The following LRP1B variants were observed in gnomAD, a reference collection of about 807,000 sequenced individuals.
LRP1B encodes LDL receptor related protein 1B.
In LRP1B, 217 loss-of-function variants were observed where a neutral mutation model predicts 556.6. The ratio of observed to expected loss-of-function variants is 0.39; its 90% confidence interval spans 0.35 to 0.44. The LOEUF (loss-of-function observed/expected upper bound fraction) is 0.44, where lower values mean the gene tolerates loss of function less well. LRP1B is among the 20% of genes least tolerant of loss of function. LRP1B has a pLI of 1.00. For missense variants in LRP1B, 5,053 were observed against 5,620.8 expected (o/e 0.90, Z 3.23); for synonymous variants, 2,047 against 1,865.8 (o/e 1.10, Z -2.50).
intron 47 of LRP1B, 69 bp downstream of exon 47, chr2:140,533,952 C>A: frequency 1.3e-6 from 2 of 1,566,188 alleles, no homozygotes; most frequent in Non-Finnish European, 1.7e-6. Context: ...CTCTCAGAAA[C>A]GAATGTTGGA....
intron 2 of LRP1B, among the ~76,000 whole-genome samples, chr2:141,513,637 G>T (rs2105157318): frequency 6.6e-6 from 1 of 152,162 alleles, no homozygotes; most frequent in Admixed American, 6.5e-5. Context: ...AATTAAAGAA[G>T]TAGACACCAT....
At chr2:141,169,684 G>A (rs1350463325) in intron 7 of LRP1B, among the ~76,000 whole-genome samples, 2 of 151,356 alleles carry the variant, frequency 1.3e-5, no homozygotes, top group African/African-American at 4.9e-5. Flanking sequence ...ATGGACAACT[G>A]GAAGCAACCA....
chr2:141,676,398 G>A (rs1170174684), intron 2 of LRP1B, among the ~76,000 whole-genome samples: 2 of 152,006 alleles, frequency 1.3e-5, no homozygotes, highest in Non-Finnish European at 2.9e-5. Flanking sequence ...CCAAACCCTT[G>A]TCCTCTTTTA....
intron 2 of LRP1B, among the ~76,000 whole-genome samples, chr2:141,531,587 A>G (rs1440807092): frequency 6.6e-6 from 1 of 152,162 alleles, no homozygotes; most frequent in African/African-American, 2.4e-5. Flanking sequence ...CATTTCTCAG[A>G]AAAGATTGCT....
intron 83 of LRP1B, among the ~76,000 whole-genome samples, chr2:140,299,007 G>A (rs916505191): frequency 6.6e-6 from 1 of 152,100 alleles, no homozygotes; most frequent in Non-Finnish European, 1.5e-5. Flanking sequence ...TCACTCAGTT[G>A]ACTAGCAGTA....
intron 84 of LRP1B, among the ~76,000 whole-genome samples, chr2:140,286,307 G>A (rs963523203): frequency 1.3e-5 from 2 of 151,718 alleles, no homozygotes; most frequent in African/African-American, 2.4e-5. Context: ...GAAACTAACC[G>A]AAGTTTGCCA....
At chr2:140,492,209 G>A (rs969359680) in intron 57 of LRP1B, among the ~76,000 whole-genome samples, 1 of 152,026 alleles carries the variant, frequency 6.6e-6, no homozygotes, top group Non-Finnish European at 1.5e-5. Context: ...AAAAATGAAC[G>A]AAACTATTAT....
At chr2:141,210,424 T>C (rs1682492032) in intron 6 of LRP1B, among the ~76,000 whole-genome samples, 1 of 152,230 alleles carries the variant, frequency 6.6e-6, no homozygotes. Context: ...CTTTGTTCAC[T>C]TTTCTATCTT....
At chr2:140,554,485 C>T (rs1680656178) in intron 43 of LRP1B, among the ~76,000 whole-genome samples, 1 of 151,898 alleles carries the variant, frequency 6.6e-6, no homozygotes, top group African/African-American at 2.4e-5. Context: ...CTTTGAATTC[C>T]TTTCAGACAC....
intron 32 of LRP1B, among the ~76,000 whole-genome samples, chr2:140,777,408 C>A (rs925667094): frequency 1.1e-4 from 16 of 152,156 alleles, no homozygotes; most frequent in Non-Finnish European, 2.1e-4. Context: ...TTCATTCTAG[C>A]ATTCATGGGA....
At chr2:140,373,563 T>C (rs1348578201) in intron 68 of LRP1B, among the ~76,000 whole-genome samples, 4 of 152,114 alleles carry the variant, frequency 2.6e-5, no homozygotes, top group East Asian at 3.9e-4. Context: ...TAGATAGTTA[T>C]AGGGTAATGG....
chr2:141,296,923 T>A (rs1457619176), intron 3 of LRP1B, among the ~76,000 whole-genome samples: 1 of 152,160 alleles, frequency 6.6e-6, no homozygotes, highest in Non-Finnish European at 1.5e-5. Flanking sequence ...TGTACCCAAT[T>A]GTTAGCTCCC....
chr2:141,854,196 G>T (rs1224901606), intron 1 of LRP1B, among the ~76,000 whole-genome samples: 1 of 151,906 alleles, frequency 6.6e-6, no homozygotes, highest in African/African-American at 2.4e-5. Context: ...AAACATGGAA[G>T]CGGCACTTAC....
In LRP1B at chr2:141,270,395, A is replaced by G. The variant is rs1023605936; in HGVS notation, c.344-15754T>C. 9.9e-5 allele frequency among the ~76,000 whole-genome samples: 15 copies of G among 151,844 alleles called. No individual in the cohort carries two copies. The Admixed American group carries it at 9.9e-4, about 10-fold the overall frequency. ...AGCCACTATGGAAAACAAATTAAAG[A>G]TAAAATTATGATATGATACACTATT... is the stretch of plus-strand genomic sequence containing the variant. On this transcript the variant is annotated intron_variant, in intron 3 of 90. Coordinates refer to ENST00000389484, the MANE Select transcript of LRP1B (RefSeq NM_018557.3).
At chr2:141,888,312 A>T (rs1352688898) in intron 1 of LRP1B, among the ~76,000 whole-genome samples, 1 of 152,212 alleles carries the variant, frequency 6.6e-6, no homozygotes, top group African/African-American at 2.4e-5. Context: ...GCCAGCTTCC[A>T]GTTCAATATG....
chr2:140,346,820 T>G (rs1681711866), intron 77 of LRP1B, among the ~76,000 whole-genome samples: 1 of 151,960 alleles, frequency 6.6e-6, no homozygotes, highest in Admixed American at 6.6e-5. Flanking sequence ...CTTAAATAGA[T>G]ATTTTGCTAA....
At chr2:141,797,648 C>T (rs1334784976) in intron 2 of LRP1B, among the ~76,000 whole-genome samples, 4 of 152,056 alleles carry the variant, frequency 2.6e-5, no homozygotes, top group African/African-American at 9.7e-5. Context: ...TACAAGACTC[C>T]TTCTATCTTG....
intron 41 of LRP1B, among the ~76,000 whole-genome samples, chr2:140,610,852 T>C (rs1255651986): frequency 6.6e-6 from 1 of 152,236 alleles, no homozygotes; most frequent in Non-Finnish European, 1.5e-5. Flanking sequence ...ATTACAGGCG[T>C]GAGACACAGT....
chr2:141,414,012 C>CT (rs1559056885), intron 3 of LRP1B, among the ~76,000 whole-genome samples: 2 of 151,984 alleles, frequency 1.3e-5, no homozygotes, highest in African/African-American at 4.8e-5. Flanking sequence ...GGGCGCATCA[C>CT]GAGGTCAGAG....
Sources: gnomAD v4.1 joint callset for allele counts (sites outside exome capture counted in the v4.1 genomes callset) on GRCh38, gnomAD v4.1.1 for gene constraint, MANE v1.5 for transcripts, NCBI Gene and HGNC (gene_info 2026-07-23, HGNC 2026-07-21) for gene names.